Variants in SLC7A11 observed in about 807,000 individuals in gnomAD.
SLC7A11 encodes cystine/glutamate transporter.
Under a neutral mutation model 54.5 loss-of-function variants are expected in SLC7A11, and 35 were observed. The ratio of observed to expected loss-of-function variants is 0.64; its 90% CI spans 0.49 to 0.85. The LOEUF (loss-of-function observed/expected upper bound fraction) is 0.85. Among genes scored for constraint, SLC7A11 ranks in the 40% least tolerant of loss-of-function variants. SLC7A11 has a pLI of 0.00. For missense variants in SLC7A11, 583 were observed against 618.1 expected, an observed-to-expected ratio of 0.94 and a Z score of 0.60; for synonymous variants, 230 against 225.2, an observed-to-expected ratio of 1.02 and a Z score of -0.19.
At chr4:138,236,483 T>G in intron 1 of SLC7A11, 32 bp from the exon 2 acceptor site, 1 of 1,581,326 alleles carries the variant, frequency 6.3e-7, no homozygotes, top group Non-Finnish European at 8.6e-7. Flanking sequence ...ATGGTACCAA[T>G]TTAATACATT....
At chr4:138,232,098 A>G (rs1171158408) in intron 3 of SLC7A11, among the ~76,000 whole-genome samples, 169 bp downstream of exon 3, 1 of 152,230 alleles carries the variant, frequency 6.6e-6, no homozygotes, top group Non-Finnish European at 1.5e-5. Context: ...CTGGCATGGA[A>G]TACAGTATTG....
chr4:138,225,121 T>A (rs1386316177), intron 3 of SLC7A11, among the ~76,000 whole-genome samples: 2 of 130,780 alleles, frequency 1.5e-5, no homozygotes, highest in African/African-American at 5.7e-5. Context: ...ACTCACTTGA[T>A]TGAGACAATA....
chr4:138,211,078 T>C (rs1312512512), intron 6 of SLC7A11, among the ~76,000 whole-genome samples: 1 of 152,018 alleles, frequency 6.6e-6, no homozygotes, highest in South Asian at 2.1e-4. Flanking sequence ...AATGATATCA[T>C]GTCCTTTACA....
intron 3 of SLC7A11, among the ~76,000 whole-genome samples, chr4:138,225,631 T>A (rs1184837265): frequency 6.6e-6 from 1 of 152,088 alleles, no homozygotes; most frequent in Non-Finnish European, 1.5e-5. Flanking sequence ...AGTGATTCCT[T>A]TCCTTTTCTA....
Position 138,167,875 on chromosome 4 carries a change from T to A in SLC7A11, c.*4081A>T, listed in dbSNP as rs1417454885. 1 of 152,126 alleles carries A rather than the reference T, an allele frequency of 6.6e-6. No homozygotes were observed. Among genetic ancestry groups the A allele is most frequent in the East Asian group, 1.9e-4 (1 of 5,130 alleles). The allele number at this position is 152,126 out of a possible 1,614,324, so 9.4% of individuals were successfully genotyped here. Reference sequence around the variant, plus strand: ...CATCTCTCTATATTTCTTTCCCAACTAAGAGCTATAATTAAAATCCCATTT... The same window carrying A: ...CATCTCTCTATATTTCTTTCCCAACAAAGAGCTATAATTAAAATCCCATTT... On this transcript the variant is annotated 3_prime_UTR_variant, in exon 12 of 12. Transcript: ENST00000280612.
chr4:138,212,348 A>C (rs993868665), intron 6 of SLC7A11, among the ~76,000 whole-genome samples: 2 of 151,928 alleles, frequency 1.3e-5, no homozygotes, highest in African/African-American at 4.8e-5. Context: ...AGTATATAAC[A>C]GTAATAGTAG....
At chr4:138,237,398 TTTTG>T (rs1239717628) in intron 1 of SLC7A11, among the ~76,000 whole-genome samples, 5 of 151,358 alleles carry the variant, frequency 3.3e-5, no homozygotes, top group Non-Finnish European at 5.9e-5. Context: ...GGGTGTTTTT[TTTTG>T]TTTGTTTTTT....
Position 138,242,207 on chromosome 4 carries a change from A to G in SLC7A11, c.-138T>C. 1 of 1,007,646 alleles carries G rather than the reference A, an allele frequency of 9.9e-7. No individual in the cohort carries two copies. The highest frequency in any genetic ancestry group is 1.4e-6 in the Non-Finnish European group (1 of 700,412). The allele number at this position is 1,007,646 out of a possible 1,614,324, so 62.4% of individuals were successfully genotyped here. ...CTCAGCGCTATAGTGTTCACAGGTG[A>G]AAACTCAAAGGTGTGCTTTTTCCTT... On this transcript the variant is annotated 5_prime_UTR_variant, in exon 1 of 12. Transcript: ENST00000280612.
chr4:138,230,413 TA>T (rs5862372), intron 3 of SLC7A11, among the ~76,000 whole-genome samples: 3,941 of 141,360 alleles, frequency 0.028, 108 homozygotes, highest in African/African-American at 0.079. Context: ...AAATGAAAGC[TA>T]AAAAAAAAAA....
intron 6 of SLC7A11, among the ~76,000 whole-genome samples, chr4:138,190,714 C>T (rs1434715569): frequency 6.6e-6 from 1 of 152,166 alleles, no homozygotes; most frequent in East Asian, 1.9e-4. Flanking sequence ...TTCTTCCATA[C>T]ATTTTGACAT....
At chr4:138,213,095 T>C (rs1469431245) in intron 6 of SLC7A11, among the ~76,000 whole-genome samples, 2 of 152,046 alleles carry the variant, frequency 1.3e-5, no homozygotes, top group Non-Finnish European at 2.9e-5. Context: ...TATTTATCTC[T>C]GTAATCAATG....
In SLC7A11 at chr4:138,179,299, G is replaced by A. The variant is rs761406704; in HGVS notation, c.1362C>T (p.Phe454=). 1.7e-5 allele frequency: 27 copies of A among 1,612,484 alleles called. No individual in the cohort carries two copies. Among genetic ancestry groups the A allele is most frequent in the Middle Eastern group, 1.6e-4 (1 of 6,072 alleles). ...CAGGGACTCCAGTCAGAGTGATGAC[G>A]AAGCCAATCCCTGTACTAAATGGGT... The part of the protein sequence containing the change: ...YSDPFSTGIG[F]VITLTGVPAY... Residue 454 remains phenylalanine, a synonymous_variant, in exon 11 of 12, where the codon TTC becomes TTT. Transcript: ENST00000280612.
At chr4:138,209,603 C>A (rs1275226755) in intron 6 of SLC7A11, among the ~76,000 whole-genome samples, 2 of 151,978 alleles carry the variant, frequency 1.3e-5, no homozygotes, top group African/African-American at 4.8e-5. Flanking sequence ...AACATTCAAG[C>A]TGAGGGCCAA....
intron 6 of SLC7A11, among the ~76,000 whole-genome samples, chr4:138,212,068 T>C (rs1193106699): frequency 2.0e-5 from 3 of 151,880 alleles, no homozygotes; most frequent in Non-Finnish European, 2.9e-5. Context: ...TTTGAGGTGA[T>C]GAGTACCCAA....
Position 138,182,359 on chromosome 4 carries a change from G to T in SLC7A11, c.1054C>A (p.Pro352Thr). The T allele has an allele frequency of 6.2e-7, 1 of 1,611,684 alleles. No individual in the cohort carries two copies. The highest frequency in any genetic ancestry group is 8.5e-7 in the Non-Finnish European group (1 of 1,178,232). ...ACATGAATCATGGAGAGGATTTCTG[G>T]AAGGTGACCCTCTCGAGACGCAACA... ...FYVASREGHL[P>T]EILSMIHVRK... The change falls in exon 9 of 12, where the codon CCA becomes ACA. Residue 352 changes from proline to threonine, a missense_variant. Physicochemically the swap from Pro to Thr is conservative, Grantham distance 38. Coordinates refer to ENST00000280612, the MANE Select transcript of SLC7A11 (RefSeq NM_014331.4).
intron 6 of SLC7A11, among the ~76,000 whole-genome samples, chr4:138,205,709 G>T (rs1737389595): frequency 6.6e-6 from 1 of 151,966 alleles, no homozygotes; most frequent in South Asian, 2.1e-4. Flanking sequence ...TTCAAATCCA[G>T]ACATATAGAA....
chr4:138,218,600 A>G (rs1229922209), intron 5 of SLC7A11, among the ~76,000 whole-genome samples: 1 of 152,216 alleles, frequency 6.6e-6, no homozygotes, highest in African/African-American at 2.4e-5. Context: ...CTAGAAAGGT[A>G]GGTATCACAG....
chr4:138,228,780 A>G (rs975806141), intron 3 of SLC7A11, among the ~76,000 whole-genome samples: 15 of 150,780 alleles, frequency 9.9e-5, no homozygotes, highest in African/African-American at 3.2e-4. Context: ...AAAAAAAAAA[A>G]AAGAACAAAC....
intron 1 of SLC7A11, among the ~76,000 whole-genome samples, chr4:138,239,434 T>C (rs1738324604): frequency 6.6e-6 from 1 of 152,240 alleles, no homozygotes; most frequent in Non-Finnish European, 1.5e-5. Context: ...TACAGATTCT[T>C]TACAGTTGGT....
Sources: allele counts gnomAD v4.1 joint callset (sites outside exome capture counted in the v4.1 genomes callset), GRCh38; gene constraint gnomAD v4.1.1; transcripts MANE v1.5; gene names NCBI Gene and HGNC (gene_info 2026-07-23, HGNC 2026-07-21).